The following SUPT20H variants were observed in gnomAD, a reference collection of about 807,000 sequenced individuals.
SUPT20H encodes the protein SPT20 homolog, SAGA complex component.
A neutral mutation model predicts 122.8 loss-of-function variants in SUPT20H; 82 were observed. The ratio of observed to expected loss-of-function variants is 0.67; its 90% CI spans 0.56 to 0.80. The LOEUF (loss-of-function observed/expected upper bound fraction) is 0.80. Ranked by LOEUF, SUPT20H falls within the 30% of genes least tolerant of loss-of-function variation. The probability of loss-of-function intolerance (pLI) is 0.00; values close to 1 mark genes in which losing one functional copy is unlikely to be tolerated. For synonymous variants in SUPT20H, 291 were observed against 313.0 expected (o/e 0.93, Z 0.74); for missense variants, 831 against 921.6 (o/e 0.90, Z 1.27).
At chr13:37,023,080 A>C in intron 19 of SUPT20H, 2 of 1,275,762 alleles carry the variant, frequency 1.6e-6, no homozygotes, top group Non-Finnish European at 2.0e-6. Context: ...GAATGTCCAG[A>C]AGCTGTCACT....
chr13:37,054,642 A>C (rs1215822142), intron 1 of SUPT20H, among the ~76,000 whole-genome samples: 2 of 152,204 alleles, frequency 1.3e-5, no homozygotes, highest in African/African-American at 4.8e-5. Flanking sequence ...TATTTATGAC[A>C]AACCCACAGC....
In SUPT20H at chr13:37,047,710, CA is replaced by C. The variant is rs535435074; in HGVS notation, c.99-110del. The C allele has an allele frequency of 8.8e-4, 1,079 of 1,226,790 alleles. 5 individuals are homozygous for C. In the African/African-American group the frequency reaches 0.015, roughly 18 times the overall value. 76.0% of individuals were successfully genotyped at this position (1,226,790 alleles called of 1,614,324 possible). ...TTTTCACATTTTTGCCTCAATTTCC[CA>C]AAAACTGGGGTGGAGCTGAATATAG... On this transcript the variant is annotated intron_variant, in intron 4 of 25. Transcript: ENST00000350612.
chr13:37,056,926 T>C (rs2069198031), intron 1 of SUPT20H: 2 of 152,172 alleles, frequency 1.3e-5, no homozygotes, highest in South Asian at 2.1e-4. Flanking sequence ...GTCCCCATTT[T>C]TGGAGCTCCC....
At chr13:37,026,766 T>G (rs767762644) in intron 15 of SUPT20H, 24 bp downstream of exon 15, 1 of 1,309,132 alleles carries the variant, frequency 7.6e-7, no homozygotes, top group African/African-American at 1.5e-5. Flanking sequence ...CTTAACAGAT[T>G]AAAATAGTTT....
chr13:37,048,608 A>G lies in SUPT20H; in HGVS notation c.4-9T>C, dbSNP rs1336793116. On this transcript the variant is annotated splice_polypyrimidine_tract_variant and intron_variant, in intron 2 of 25. Coordinates refer to ENST00000350612, the MANE Select transcript of SUPT20H (RefSeq NM_001014286.3). ...AGTTCTAAAGCTTGTTGCTGTAAAAAGTAAATAGTATATTTGGTAATATTA... is the reference window on the plus strand; with the variant it reads ...AGTTCTAAAGCTTGTTGCTGTAAAAGGTAAATAGTATATTTGGTAATATTA... 1 of 1,599,932 alleles carries G rather than the reference A, an allele frequency of 6.3e-7. No homozygotes were observed. Among genetic ancestry groups the G allele is most frequent in the Non-Finnish European group, 8.5e-7 (1 of 1,174,460 alleles).
chr13:37,054,719 A>C (rs1002900977), intron 1 of SUPT20H, among the ~76,000 whole-genome samples: 5 of 152,120 alleles, frequency 3.3e-5, no homozygotes, highest in Admixed American at 1.3e-4. Flanking sequence ...GACAGGGATG[A>C]CCTCTCTCAC....
intron 9 of SUPT20H, among the ~76,000 whole-genome samples, chr13:37,034,397 G>T (rs1341290170): frequency 6.6e-6 from 1 of 152,252 alleles, no homozygotes; most frequent in Non-Finnish European, 1.5e-5. Flanking sequence ...TACAGAGGAA[G>T]TTTTAATGGT....
intron 6 of SUPT20H, among the ~76,000 whole-genome samples, chr13:37,044,422 C>A (rs1245386186): frequency 1.3e-5 from 2 of 151,518 alleles, no homozygotes; most frequent in Non-Finnish European, 2.9e-5. Context: ...ACAATCTGAA[C>A]CACAGCCCAA....
At position 37,049,700 on chromosome 13, in the gene SUPT20H, T is replaced by C. The variant is rs150356170; in HGVS notation, c.4-1101A>G. On this transcript the variant is annotated intron_variant, in intron 2 of 25. Transcript: ENST00000350612. ...GTTGCAGTGAGCCCAGATCGTGCTATTGTACTACAGTCTGGGCAAAAAGGG... is the reference window on the plus strand; with the variant it reads ...GTTGCAGTGAGCCCAGATCGTGCTACTGTACTACAGTCTGGGCAAAAAGGG... Among the ~76,000 whole-genome samples the C allele has an allele frequency of 2.4e-3, 366 of 152,240 alleles. 3 individuals are homozygous for C. Among genetic ancestry groups the C allele is most frequent in the African/African-American group, 8.1e-3 (338 of 41,554 alleles).
chr13:37,054,919 T>C (rs2068592698), intron 1 of SUPT20H, among the ~76,000 whole-genome samples: 1 of 152,174 alleles, frequency 6.6e-6, no homozygotes, highest in South Asian at 2.1e-4. Flanking sequence ...TTCAGCAAAG[T>C]CTCAGGATAC....
chr13:37,042,744 G>T (rs2065723839), intron 7 of SUPT20H, among the ~76,000 whole-genome samples: 1 of 152,164 alleles, frequency 6.6e-6, no homozygotes, highest in Non-Finnish European at 1.5e-5. Context: ...GGAAAGAATG[G>T]GATCTGCAAA....
intron 22 of SUPT20H, among the ~76,000 whole-genome samples, 166 bp downstream of exon 22, chr13:37,019,176 T>A (rs1374999561): frequency 6.6e-6 from 1 of 152,172 alleles, no homozygotes; most frequent in Non-Finnish European, 1.5e-5. Flanking sequence ...ATACTGATTC[T>A]TTCTCTTTAT....
intron 1 of SUPT20H, among the ~76,000 whole-genome samples, chr13:37,057,685 T>C (rs1305198324): frequency 6.6e-6 from 1 of 151,150 alleles, no homozygotes; most frequent in Non-Finnish European, 1.5e-5. Flanking sequence ...TACAAAAAAA[T>C]ACAGAAGGCC....
chr13:37,031,018 A>T (rs577150074), intron 12 of SUPT20H, among the ~76,000 whole-genome samples: 1 of 152,322 alleles, frequency 6.6e-6, no homozygotes, highest in Non-Finnish European at 1.5e-5. Context: ...AAAGAAAAAC[A>T]TAGGATCACT....
At chr13:37,028,334 T>C (rs779594432) in intron 13 of SUPT20H, 29 bp from the exon 14 acceptor site, 3 of 1,588,964 alleles carry the variant, frequency 1.9e-6, no homozygotes, top group Non-Finnish European at 2.6e-6. Context: ...CTCAAATAAA[T>C]ACCTTCACAA....
At chr13:37,020,688 T>C (rs1390883741) in intron 21 of SUPT20H, among the ~76,000 whole-genome samples, 3 of 152,216 alleles carry the variant, frequency 2.0e-5, no homozygotes, top group African/African-American at 7.2e-5. Flanking sequence ...TTATATTCTC[T>C]AGGTTCTCTT....
At chr13:37,030,615 G>C (rs1003687060) in intron 12 of SUPT20H, among the ~76,000 whole-genome samples, 5 of 152,146 alleles carry the variant, frequency 3.3e-5, no homozygotes, top group African/African-American at 7.2e-5. Context: ...TAACCTAGGA[G>C]CTTGTGAGAA....
intron 6 of SUPT20H, 86 bp from the exon 7 acceptor site, chr13:37,044,267 T>C: frequency 3.8e-6 from 4 of 1,048,570 alleles, no homozygotes; most frequent in East Asian, 2.6e-5. Context: ...AAGAACTATA[T>C]ATAATAAAAC....
Position 37,024,345 on chromosome 13 carries a change from G to C in SUPT20H, c.1427C>G (p.Ser476Cys). Residue 476 changes from serine (S) to cysteine (C), a missense_variant, in exon 18 of 26, where the codon TCC (serine) becomes TGC (cysteine). Physicochemically the swap from Ser to Cys is moderately radical, Grantham distance 112. Coordinates refer to ENST00000350612, the MANE Select transcript of SUPT20H (RefSeq NM_001014286.3). ...AAAACTAAGAAATGTAATACCTGAGGAACTATTTCCTGAGCTTGAGGGAAG... is the reference window on the plus strand; with the variant it reads ...AAAACTAAGAAATGTAATACCTGAGCAACTATTTCCTGAGCTTGAGGGAAG... ...IKLPSSSGNSSSGNYFTPQQT... is the reference protein window; with the variant it reads ...IKLPSSSGNSCSGNYFTPQQT... 6.3e-7 allele frequency: 1 copy of C among 1,580,186 alleles called. No individual in the cohort carries two copies. Among genetic ancestry groups the C allele is most frequent in the Non-Finnish European group, 8.6e-7 (1 of 1,167,412 alleles).
Sources: gnomAD v4.1 joint callset for allele counts (sites outside exome capture counted in the v4.1 genomes callset) on GRCh38, gnomAD v4.1.1 for gene constraint, MANE v1.5 for transcripts, NCBI Gene and HGNC (gene_info 2026-07-23, HGNC 2026-07-21) for gene names.